The following ADAMTS19 variants were observed in gnomAD, a reference collection of about 807,000 sequenced individuals.
The protein encoded by ADAMTS19 is A disintegrin and metalloproteinase with thrombospondin motifs 19.
A neutral mutation model predicts 153.3 loss-of-function variants in ADAMTS19; 93 were observed. That is an observed-to-expected ratio of 0.61 (90% CI 0.51 to 0.72). The LOEUF is 0.72. Ranked by LOEUF, ADAMTS19 falls within the 30% of genes least tolerant of loss-of-function variation. ADAMTS19 has a pLI of 0.00. For synonymous variants in ADAMTS19, 600 were observed against 556.6 expected, an observed-to-expected ratio of 1.08 and a Z score of -1.10; for missense variants, 1,482 against 1,552.1, an observed-to-expected ratio of 0.95 and a Z score of 0.76.
chr5:129,652,019 T>G (rs1007610904), intron 13 of ADAMTS19, among the ~76,000 whole-genome samples: 11 of 152,136 alleles, frequency 7.2e-5, no homozygotes, highest in African/African-American at 1.9e-4. Flanking sequence ...AAAATAGGTG[T>G]TCTCCAAATT....
chr5:129,587,958 C>T (rs1029031420), intron 7 of ADAMTS19, among the ~76,000 whole-genome samples: 3 of 152,098 alleles, frequency 2.0e-5, no homozygotes, highest in Non-Finnish European at 4.4e-5. Flanking sequence ...TTGAGACTCT[C>T]TCCTATTTTT....
chr5:129,565,653 G>A (rs1050099427), intron 7 of ADAMTS19, among the ~76,000 whole-genome samples: 15 of 151,808 alleles, frequency 9.9e-5, no homozygotes, highest in African/African-American at 3.6e-4. Flanking sequence ...TTTCATTATT[G>A]TTGCCCAGAT....
At chr5:129,727,521 A>G (rs997357852) in intron 21 of ADAMTS19, among the ~76,000 whole-genome samples, 1 of 152,206 alleles carries the variant, frequency 6.6e-6, no homozygotes, top group African/African-American at 2.4e-5. Flanking sequence ...CGGTTTTAAC[A>G]TAAGAGAAAT....
intron 2 of ADAMTS19, among the ~76,000 whole-genome samples, chr5:129,476,841 C>T (rs1332104604): frequency 6.6e-6 from 1 of 152,012 alleles, no homozygotes; most frequent in African/African-American, 2.4e-5. Flanking sequence ...GTAGCTCTTA[C>T]ATAGAGGTGT....
intron 16 of ADAMTS19, among the ~76,000 whole-genome samples, chr5:129,668,419 G>A (rs1316608492): frequency 1.3e-5 from 2 of 152,162 alleles, no homozygotes; most frequent in African/African-American, 4.8e-5. Context: ...AGGCCAGGAA[G>A]TCCAAGATCA....
intron 10 of ADAMTS19, among the ~76,000 whole-genome samples, chr5:129,633,485 A>G (rs1752399591): frequency 6.6e-6 from 1 of 152,216 alleles, no homozygotes; most frequent in Admixed American, 6.6e-5. Flanking sequence ...TATGGCTTAA[A>G]GTTTTACTGG....
chr5:129,508,431 C>T (rs1462342207), intron 2 of ADAMTS19, among the ~76,000 whole-genome samples: 1 of 151,884 alleles, frequency 6.6e-6, no homozygotes. Flanking sequence ...GTTATAAGTA[C>T]TTTTTATTGA....
chr5:129,625,867 T>G (rs1053062896), intron 10 of ADAMTS19, among the ~76,000 whole-genome samples: 1 of 152,166 alleles, frequency 6.6e-6, no homozygotes, highest in Non-Finnish European at 1.5e-5. Flanking sequence ...ATTTGTCTAT[T>G]TTGGCTTTTG....
At chr5:129,643,388 A>G (rs1469119093) in intron 11 of ADAMTS19, among the ~76,000 whole-genome samples, 4 of 145,500 alleles carry the variant, frequency 2.7e-5, no homozygotes, top group Non-Finnish European at 4.5e-5. Context: ...AAAAAAAAAG[A>G]AAAAAAAAAG....
chr5:129,539,398 G>A (rs1337765649), intron 6 of ADAMTS19, among the ~76,000 whole-genome samples: 1 of 152,056 alleles, frequency 6.6e-6, no homozygotes, highest in Admixed American at 6.6e-5. Flanking sequence ...GCTGGAAAAG[G>A]CCAGGACATA....
At chr5:129,665,979 GTATATA>G (rs201666318) in intron 16 of ADAMTS19, among the ~76,000 whole-genome samples, 1 of 144,252 alleles carries the variant, frequency 6.9e-6, no homozygotes, top group African/African-American at 2.7e-5. Context: ...ATGAATTTAT[GTATATA>G]TATATATAAA....
At chr5:129,678,112 G>A (rs30649) in intron 16 of ADAMTS19, among the ~76,000 whole-genome samples, 110,441 of 151,998 alleles carry the variant, frequency 0.73, 40,703 homozygotes, top group Non-Finnish European at 0.8. Context: ...CACACCGGCC[G>A]TTACATTTTT....
At chr5:129,634,877 C>A (rs1286899741) in intron 10 of ADAMTS19, among the ~76,000 whole-genome samples, 1 of 145,288 alleles carries the variant, frequency 6.9e-6, no homozygotes, top group Middle Eastern at 3.6e-3. Flanking sequence ...GCAATTGCAA[C>A]AAAAGCAAAA....
At chr5:129,644,575 A>G (rs539438157) in intron 11 of ADAMTS19, among the ~76,000 whole-genome samples, 1 of 152,194 alleles carries the variant, frequency 6.6e-6, no homozygotes, top group Non-Finnish European at 1.5e-5. Flanking sequence ...TATGGACAGC[A>G]TAATGCAAAT....
intron 6 of ADAMTS19, among the ~76,000 whole-genome samples, chr5:129,548,516 T>C (rs1388429547): frequency 1.3e-5 from 2 of 151,770 alleles, no homozygotes; most frequent in Non-Finnish European, 2.9e-5. Context: ...CATTAAAAAG[T>C]CAGGAAACAA....
At chr5:129,531,790 T>C (rs1752216405) in intron 6 of ADAMTS19, among the ~76,000 whole-genome samples, 1 of 152,092 alleles carries the variant, frequency 6.6e-6, no homozygotes, top group African/African-American at 2.4e-5. Flanking sequence ...TAGTATGGTT[T>C]TGGCAGAAAG....
chr5:129,675,874 CA>C (rs1448864928), intron 16 of ADAMTS19, among the ~76,000 whole-genome samples: 15 of 151,972 alleles, frequency 9.9e-5, no homozygotes, highest in African/African-American at 3.4e-4. Flanking sequence ...ACTAAAAATA[CA>C]AAAATTAGCT....
intron 6 of ADAMTS19, 74 bp downstream of exon 6, chr5:129,528,751 T>G: frequency 8.4e-7 from 1 of 1,185,130 alleles, no homozygotes; most frequent in South Asian, 1.7e-5. Flanking sequence ...AATCCCTTAA[T>G]AGATAATGTT....
chr5:129,596,611 T>C lies in ADAMTS19; in HGVS notation c.1425T>C (p.Ala475=), dbSNP rs1241579119. The change falls in exon 8 of 23, where the codon GCT becomes GCC. Residue 475 remains alanine (A), a synonymous_variant. Transcript: ENST00000274487. The stretch of plus-strand genomic sequence containing the variant: ...GTGAAAAGAGAAAATGTATTATTGC[T>C]GAAGACAATGGCTTGAATCTTGCTT... ...MCSEKRKCII[A]EDNGLNLAFT... The C allele has an allele frequency of 1.2e-6, 2 of 1,608,996 alleles. No homozygotes were observed. The highest frequency in any genetic ancestry group is 1.3e-5 in the African/African-American group (1 of 74,838).
Sources: allele counts gnomAD v4.1 joint callset (sites outside exome capture counted in the v4.1 genomes callset), GRCh38; gene constraint gnomAD v4.1.1; transcripts MANE v1.5; gene names NCBI Gene and HGNC (gene_info 2026-07-23, HGNC 2026-07-21).